GLYR1: variants seen among roughly 807,000 people sequenced by gnomAD.
The protein encoded by GLYR1 is cytokine-like nuclear factor N-PAC.
Under a neutral mutation model 72.7 loss-of-function variants are expected in GLYR1, and 21 were observed. The observed-to-expected ratio is 0.29, with a 90% CI of 0.20 to 0.42. The LOEUF (loss-of-function observed/expected upper bound fraction) is 0.42. Ranked by LOEUF, GLYR1 falls within the 10% of genes least tolerant of loss-of-function variation. GLYR1 has a pLI of 1.00. For synonymous variants in GLYR1, 392 were observed against 270.2 expected (o/e 1.45, Z -4.42); for missense variants, 594 against 712.1 (o/e 0.83, Z 1.89).
At chr16:4,833,631 T>C (rs1224467518) in intron 3 of GLYR1, among the ~76,000 whole-genome samples, 3 of 148,356 alleles carry the variant, frequency 2.0e-5, no homozygotes, top group Non-Finnish European at 4.5e-5. Context: ...GGCATGCTGT[T>C]TTATGATGTC....
In GLYR1 at chr16:4,803,448, AG is replaced by A. The variant is rs2082800868; in HGVS notation, c.*1787del. On this transcript the variant is annotated 3_prime_UTR_variant, in exon 16 of 16. Coordinates refer to ENST00000321919, the MANE Select transcript of GLYR1 (RefSeq NM_032569.4). ...ACAAGTGTCACATTTTCTCCTTAAA[AG>A]GGAAGGATTTCAAAAGAAAGGTGAA... 6.5e-6 allele frequency: 1 copy of A among 152,694 alleles called. No homozygotes were observed. The highest frequency in any genetic ancestry group is 2.1e-4 in the South Asian group (1 of 4,836). The allele number at this position is 152,694 out of a possible 1,614,324, so 9.5% of individuals were successfully genotyped here. A position where few individuals can be genotyped will look rare whatever the true frequency, so the allele number is the denominator to read the frequency against.
intron 3 of GLYR1, among the ~76,000 whole-genome samples, chr16:4,837,267 A>G (rs867100756): frequency 6.6e-5 from 10 of 152,004 alleles, no homozygotes; most frequent in Admixed American, 1.3e-4. Context: ...CCCCATCTCT[A>G]CCAGAAAACA....
intron 5 of GLYR1, among the ~76,000 whole-genome samples, chr16:4,824,496 C>G (rs1055260097): frequency 1.8e-5 from 2 of 110,128 alleles, no homozygotes; most frequent in Non-Finnish European, 3.7e-5. Context: ...AAGACTCCAT[C>G]TCAAAAAAAA....
At chr16:4,838,196 C>T (rs921020659) in intron 3 of GLYR1, among the ~76,000 whole-genome samples, 5 of 151,932 alleles carry the variant, frequency 3.3e-5, no homozygotes, top group African/African-American at 7.3e-5. Context: ...CCAGGTGAAA[C>T]GAAAAAGGGA....
In GLYR1 at chr16:4,812,117, G is replaced by A. The variant is rs982427501; in HGVS notation, c.1251C>T (p.Phe417=). ...AGAAGGAGGTCTTCCCCATCGCCTG[G>A]AAGCAGCTGCTGCAGTCCTCATATA... ...RGLYEDCSSC[F]QAMGKTSFFL... is the part of the protein sequence containing the mutation. Residue 417 remains phenylalanine, a synonymous_variant, in exon 13 of 16, where the codon TTC becomes TTT. Transcript: ENST00000321919. 3.2e-5 allele frequency: 52 copies of A among 1,614,122 alleles called. No individual in the cohort carries two copies. The highest frequency in any genetic ancestry group is 4.2e-5 in the Non-Finnish European group (50 of 1,180,000).
At chr16:4,844,907 C>CT (rs1469992542) in intron 3 of GLYR1, among the ~76,000 whole-genome samples, 167 bp downstream of exon 3, 1 of 152,206 alleles carries the variant, frequency 6.6e-6, no homozygotes, top group African/African-American at 2.4e-5. Context: ...AGGGCAATTT[C>CT]TGCAAGAAAT....
intron 9 of GLYR1, among the ~76,000 whole-genome samples, chr16:4,819,350 C>T (rs534722124): frequency 6.6e-6 from 1 of 152,086 alleles, no homozygotes; most frequent in African/African-American, 2.4e-5. Context: ...TGCTGTCTCC[C>T]AGGCTGGAGT....
chr16:4,844,983 C>G (rs1490157216), intron 3 of GLYR1, 91 bp downstream of exon 3: 2 of 850,988 alleles, frequency 2.4e-6, no homozygotes, highest in Admixed American at 3.8e-5. Context: ...GAAGACTGAA[C>G]TAAGGATCCT....
chr16:4,807,033 C>T (rs1371413415), intron 15 of GLYR1, among the ~76,000 whole-genome samples: 1 of 151,448 alleles, frequency 6.6e-6, no homozygotes, highest in Non-Finnish European at 1.5e-5. Context: ...GTCTTGATCT[C>T]CTGACCTCGT....
chr16:4,818,625 C>G (rs781093137), intron 9 of GLYR1, among the ~76,000 whole-genome samples: 2 of 152,196 alleles, frequency 1.3e-5, no homozygotes, highest in African/African-American at 4.8e-5. Context: ...CCACAAGTCA[C>G]TGAAGCACTG....
rs538769656 is a variant in GLYR1 at position 4,829,730 on chromosome 16, T to C, written c.537+2249A>G. The stretch of plus-strand genomic sequence containing the variant: ...CTCTGTCGCCCAGGCTGGAGTGCAG[T>C]GGCGCAATCTCGGCTCACTGCAACC... On this transcript the variant is annotated intron_variant, in intron 5 of 15. Transcript: ENST00000321919. 6.6e-5 allele frequency among the ~76,000 whole-genome samples: 10 copies of C among 152,182 alleles called. 1 individual carries two copies. In the South Asian group the frequency reaches 2.1e-3, roughly 32 times the overall value.
At chr16:4,831,153 C>T (rs1438024230) in intron 5 of GLYR1, among the ~76,000 whole-genome samples, 5 of 152,200 alleles carry the variant, frequency 3.3e-5, no homozygotes, top group African/African-American at 1.2e-4. Flanking sequence ...CATTCATCCT[C>T]TATATAACCA....
At chr16:4,828,230 C>A (rs561892909) in intron 5 of GLYR1, among the ~76,000 whole-genome samples, 1 of 151,608 alleles carries the variant, frequency 6.6e-6, no homozygotes, top group Admixed American at 6.6e-5. Context: ...CCACCATGCC[C>A]GGCTAATTTT....
intron 10 of GLYR1, among the ~76,000 whole-genome samples, chr16:4,815,599 T>A (rs1257988621): frequency 6.6e-6 from 1 of 152,178 alleles, no homozygotes; most frequent in Non-Finnish European, 1.5e-5. Context: ...TCTAAAAGTT[T>A]TAAGGCTCTC....
intron 9 of GLYR1, among the ~76,000 whole-genome samples, chr16:4,820,735 T>C (rs577489800): frequency 1.8e-4 from 27 of 152,232 alleles, no homozygotes; most frequent in Non-Finnish European, 3.7e-4. Flanking sequence ...CGTGTTTTCC[T>C]AGAAAAGGTA....
Sources: gnomAD v4.1 joint callset for allele counts (sites outside exome capture counted in the v4.1 genomes callset) on GRCh38, gnomAD v4.1.1 for gene constraint, MANE v1.5 for transcripts, NCBI Gene and HGNC (gene_info 2026-07-23, HGNC 2026-07-21) for gene names.